STK31: variants seen among roughly 807,000 people sequenced by gnomAD.
STK31 encodes the protein serine/threonine-protein kinase 31.
STK31 carries 89 observed loss-of-function variants against 129.7 expected under a neutral mutation model. The ratio of observed to expected loss-of-function variants is 0.69; its 90% CI spans 0.58 to 0.82. The LOEUF (loss-of-function observed/expected upper bound fraction) is 0.82. Ranked by LOEUF, STK31 falls within the 40% of genes least tolerant of loss-of-function variation. STK31 has a pLI of 0.00. For missense variants in STK31, 1,187 were observed against 1,176.4 expected (o/e 1.01, Z -0.13); for synonymous variants, 448 against 395.3 (o/e 1.13, Z -1.58).
At chr7:23,782,960 A>T (rs1039673546) in intron 16 of STK31, among the ~76,000 whole-genome samples, 1 of 152,154 alleles carries the variant, frequency 6.6e-6, no homozygotes, top group Admixed American at 6.6e-5. Context: ...ATTTTTCTTC[A>T]ATTAGTAAGA....
intron 1 of STK31, among the ~76,000 whole-genome samples, chr7:23,711,440 A>C (rs948148662): frequency 2.8e-5 from 4 of 142,174 alleles, no homozygotes; most frequent in Admixed American, 6.9e-5. Context: ...AAAAAAAAAA[A>C]AACCCATAAA....
intron 4 of STK31, 64 bp downstream of exon 4, chr7:23,717,643 T>C (rs904134728): frequency 9.2e-6 from 12 of 1,308,166 alleles, no homozygotes; most frequent in Middle Eastern, 1.9e-4. Context: ...GTCTTAGATA[T>C]TTAGTTTTTG....
At position 23,770,986 on chromosome 7, in the gene STK31, T is replaced by C. The variant is rs1469000; in HGVS notation, c.1714-19T>C. On this transcript the variant is annotated intron_variant, in intron 13 of 23. Transcript: ENST00000355870. ...GGATATTCCTTTGTGTATAATTCTA[T>C]GTGTGTGATTTCATTTAGGATCAAG... 0.5 allele frequency: 806,414 copies of C among 1,600,556 alleles called. 205,611 individuals carry two copies. The highest frequency in any genetic ancestry group is 0.61 in the Admixed American group (35,169 of 57,916).
intron 15 of STK31, among the ~76,000 whole-genome samples, chr7:23,777,368 T>C (rs1790620004): frequency 6.6e-6 from 1 of 152,194 alleles, no homozygotes; most frequent in Non-Finnish European, 1.5e-5. Context: ...GTTCAAGTCC[T>C]GAATATCCTT....
intron 22 of STK31, among the ~76,000 whole-genome samples, chr7:23,809,869 C>T (rs539471497): frequency 2.0e-5 from 3 of 152,216 alleles, no homozygotes; most frequent in Admixed American, 1.3e-4. Flanking sequence ...TAGGATATAT[C>T]ATCTAGGTTT....
chr7:23,729,887 A>G (rs1433281411), intron 6 of STK31, among the ~76,000 whole-genome samples: 1 of 152,228 alleles, frequency 6.6e-6, no homozygotes, highest in Non-Finnish European at 1.5e-5. Context: ...TATTTATTAA[A>G]TAAAAGTGAT....
chr7:23,772,173 AAAT>A lies in STK31; in HGVS notation c.1863_1865del (p.Asn621del). 1 of 1,588,144 alleles carries A rather than the reference AAAT, an allele frequency of 6.3e-7. No homozygotes were observed. The highest frequency in any genetic ancestry group is 8.6e-7 in the Non-Finnish European group (1 of 1,168,856). ...TTAAAAAGCAGCTTATTGAATATTT[AAAT>A]AAGAGTCCCAGTGTGGATCACTTGC... is the stretch of plus-strand genomic sequence containing the variant. On this transcript the variant is annotated inframe_deletion, in exon 15 of 24. Transcript: ENST00000355870.
intron 22 of STK31, among the ~76,000 whole-genome samples, chr7:23,794,620 C>T (rs1345737371): frequency 6.6e-6 from 1 of 152,128 alleles, no homozygotes; most frequent in African/African-American, 2.4e-5. Context: ...TTGGAACTTC[C>T]TAGAGACTTG....
chr7:23,830,921 A>G (rs544500170), intron 23 of STK31, among the ~76,000 whole-genome samples: 17 of 152,194 alleles, frequency 1.1e-4, no homozygotes, highest in African/African-American at 3.9e-4. Context: ...TGCCTGGCCA[A>G]TTTCCATGCG....
intron 8 of STK31, among the ~76,000 whole-genome samples, chr7:23,750,067 T>TCCCCCCCCCCCCCC (rs1171568592): frequency 6.5e-4 from 59 of 90,594 alleles, no homozygotes; most frequent in Non-Finnish European, 9.8e-4. Context: ...ATGGTTTGTT[T>TCCCCCCCCCCCCCC]CCCCCCCCGC....
intron 1 of STK31, among the ~76,000 whole-genome samples, 185 bp from the exon 2 acceptor site, chr7:23,711,914 C>G (rs923586032): frequency 2.0e-5 from 3 of 150,680 alleles, no homozygotes; most frequent in African/African-American, 7.3e-5. Context: ...AAAATTGCAT[C>G]TACTACAAAA....
chr7:23,727,305 G>A lies in STK31; in HGVS notation c.314G>A (p.Ser105Asn), dbSNP rs140457583. Residue 105 changes from serine (S) to asparagine (N), a missense_variant, in exon 5 of 24, where the codon AGC becomes AAC. Around this residue, in one of 5 missense-constraint regions of STK31, gnomAD observed 103 missense variants for 110.4 expected, o/e 0.93. Coordinates refer to ENST00000355870, the MANE Select transcript of STK31 (RefSeq NM_031414.5). ...AGATGCAAAGTACTGAAAATCATCA[G>A]CGTTGAAAAGGCAGGAAATTAAGTG... ...WYRCKVLKII[S>N]VEKCLVRYID... 71 of 1,613,386 alleles carry A rather than the reference G, an allele frequency of 4.4e-5. No individual in the cohort carries two copies. In the Middle Eastern group the frequency reaches 9.9e-4, roughly 23 times the overall value.
intron 23 of STK31, among the ~76,000 whole-genome samples, chr7:23,827,687 C>T (rs145749986): frequency 0.011 from 1,734 of 152,188 alleles, 28 homozygotes; most frequent in African/African-American, 0.037. Flanking sequence ...TTAGAGTTTC[C>T]GGTTTTTCTG....
chr7:23,781,451 A>G lies in STK31; in HGVS notation c.1998A>G (p.Lys666=). The G allele has an allele frequency of 6.2e-7, 1 of 1,611,610 alleles. No homozygotes were observed. Among genetic ancestry groups the G allele is most frequent in the Non-Finnish European group, 8.5e-7 (1 of 1,179,150 alleles). Residue 666 remains lysine (K), a synonymous_variant, in exon 16 of 24, where the codon AAA becomes AAG. Coordinates refer to ENST00000355870, the MANE Select transcript of STK31 (RefSeq NM_031414.5). ...ATCCTGATGGCTCTCAAATTGAGAA[A>G]ATAAAAGAAGAAATAACTCAGCTGC... ...SDDPDGSQIE[K]IKEEITQLRN...
Position 23,810,845 on chromosome 7 carries a change from T to G in STK31, c.2761-4299T>G, listed in dbSNP as rs1415965189. On this transcript the variant is annotated intron_variant, in intron 22 of 23. Transcript: ENST00000355870. ...ATATGTATAAATATATATTTGTATA[T>G]AAATATGTATAAATATATATTATAT... Among the ~76,000 whole-genome samples the G allele has an allele frequency of 2.1e-5, 3 of 141,098 alleles. No homozygotes were observed. The East Asian group carries it at 5.9e-4, about 28-fold the overall frequency. 92.6% of individuals were successfully genotyped at this position (141,098 alleles called of 152,430 possible). A position where few individuals can be genotyped will look rare whatever the true frequency, so the allele number is the denominator to read the frequency against.
chr7:23,787,503 A>C (rs1584447679), intron 20 of STK31, among the ~76,000 whole-genome samples: 1 of 152,056 alleles, frequency 6.6e-6, no homozygotes, highest in African/African-American at 2.4e-5. Flanking sequence ...GTGGCAGGTG[A>C]GCAAGCATTA....
At chr7:23,729,053 TGGGG>T in intron 5 of STK31, 34 bp from the exon 6 acceptor site, 1 of 1,512,750 alleles carries the variant, frequency 6.6e-7, no homozygotes, top group Non-Finnish European at 8.8e-7. Context: ...ACATTTAATC[TGGGG>T]TCAGTATTCG....
At chr7:23,726,681 ACAT>A (rs2128071601) in intron 4 of STK31, among the ~76,000 whole-genome samples, 1 of 152,182 alleles carries the variant, frequency 6.6e-6, no homozygotes, top group East Asian at 1.9e-4. Flanking sequence ...CTTTTATTAA[ACAT>A]CATTCAATTG....
In STK31 at chr7:23,783,115, G is replaced by A. The variant is rs182023173; in HGVS notation, c.2068-468G>A. Among the ~76,000 whole-genome samples, 582 of 152,168 alleles carry A rather than the reference G, an allele frequency of 3.8e-3. 4 individuals carry two copies. The highest frequency in any genetic ancestry group is 0.02 in the Middle Eastern group (6 of 294). On this transcript the variant is annotated intron_variant, in intron 16 of 23. Transcript: ENST00000355870. ...TTGTGGTCAGAACAAATTAATAGAC[G>A]AAAAAAGGAAAGTGGCTTTCAGAAA... is the stretch of plus-strand genomic sequence containing the variant.
Sources: gnomAD v4.1 joint callset for allele counts (sites outside exome capture counted in the v4.1 genomes callset) on GRCh38, gnomAD v4.1.1 for gene constraint, gnomAD v4.1.1 regional missense constraint, MANE v1.5 for transcripts, NCBI Gene and HGNC (gene_info 2026-07-23, HGNC 2026-07-21) for gene names.